The following CPEB3 variants were observed in gnomAD, a reference collection of about 807,000 sequenced individuals.
CPEB3 encodes cytoplasmic polyadenylation element-binding protein 3.
A neutral mutation model predicts 67.2 loss-of-function variants in CPEB3; 20 were observed. That is an observed-to-expected ratio of 0.30 (90% CI 0.21 to 0.43). CPEB3 has a LOEUF of 0.43. Among genes scored for constraint, CPEB3 ranks in the 20% least tolerant of loss-of-function variants. CPEB3 has a pLI of 1.00. For missense variants in CPEB3, 746 were observed against 968.6 expected, an observed-to-expected ratio of 0.77 and a Z score of 3.05; for synonymous variants, 376 against 393.1, an observed-to-expected ratio of 0.96 and a Z score of 0.51.
chr10:92,162,082 C>T (rs1467598222), intron 4 of CPEB3, among the ~76,000 whole-genome samples: 4 of 152,160 alleles, frequency 2.6e-5, no homozygotes, highest in Admixed American at 2.0e-4. Context: ...GGTCTATCTA[C>T]TCCCTCTAAG....
chr10:92,201,209 G>A (rs770876132), intron 2 of CPEB3, among the ~76,000 whole-genome samples: 4 of 152,036 alleles, frequency 2.6e-5, no homozygotes, highest in Non-Finnish European at 5.9e-5. Flanking sequence ...TGACTATGAC[G>A]GTCAGAAGAG....
chr10:92,202,293 G>A (rs1400497573), intron 2 of CPEB3, among the ~76,000 whole-genome samples: 1 of 151,728 alleles, frequency 6.6e-6, no homozygotes, highest in Non-Finnish European at 1.5e-5. Context: ...AAAAACATAT[G>A]TCCACACAAA....
At chr10:92,261,731 G>A (rs925199651) in intron 1 of CPEB3, among the ~76,000 whole-genome samples, 11 of 152,186 alleles carry the variant, frequency 7.2e-5, no homozygotes, top group Admixed American at 3.3e-4. Flanking sequence ...TTACAGGCAT[G>A]AGCCACCACA....
At chr10:92,289,732 A>AAAAAAAAAAAAATATATATATAT in intron 1 of CPEB3, among the ~76,000 whole-genome samples, 1 of 75,770 alleles carries the variant, frequency 1.3e-5, no homozygotes, top group Non-Finnish European at 2.6e-5. Flanking sequence ...AAAAAAAAAA[A>AAAAAAAAAAAAATATATATATAT]ATATATATAT....
chr10:92,106,860 A>G (rs571516687), intron 7 of CPEB3, among the ~76,000 whole-genome samples: 1 of 151,648 alleles, frequency 6.6e-6, no homozygotes, highest in South Asian at 2.1e-4. Flanking sequence ...AAAAAAGAAA[A>G]AAAGAAAAAG....
At chr10:92,132,691 C>T (rs1438026944) in intron 6 of CPEB3, among the ~76,000 whole-genome samples, 1 of 152,158 alleles carries the variant, frequency 6.6e-6, no homozygotes, top group Non-Finnish European at 1.5e-5. Flanking sequence ...CAGAACTCTC[C>T]ACCCCAAATC....
At chr10:92,205,630 T>C (rs1468419163) in intron 2 of CPEB3, among the ~76,000 whole-genome samples, 2 of 151,594 alleles carry the variant, frequency 1.3e-5, no homozygotes, top group Admixed American at 6.6e-5. Flanking sequence ...GTGTGCGCCA[T>C]GATGCCCAGC....
chr10:92,240,965 C>A (rs1365413780), intron 1 of CPEB3, among the ~76,000 whole-genome samples: 1 of 152,116 alleles, frequency 6.6e-6, no homozygotes, highest in Non-Finnish European at 1.5e-5. Flanking sequence ...AGGGAGGAAT[C>A]CTTGGCATTT....
intron 4 of CPEB3, among the ~76,000 whole-genome samples, chr10:92,168,758 A>G (rs1407803081): frequency 6.8e-6 from 1 of 147,926 alleles, no homozygotes; most frequent in Non-Finnish European, 1.5e-5. Context: ...CTCCTCAGCC[A>G]TGCAGAGCTG....
chr10:92,245,239 G>C (rs1391761703), intron 1 of CPEB3, among the ~76,000 whole-genome samples: 1 of 144,778 alleles, frequency 6.9e-6, no homozygotes, highest in Non-Finnish European at 1.5e-5. Flanking sequence ...CCAGGTTCAA[G>C]TGATTCTCCT....
chr10:92,077,459 TAAAG>T (rs754251853), intron 9 of CPEB3, among the ~76,000 whole-genome samples: 95 of 152,176 alleles, frequency 6.2e-4, no homozygotes, highest in Middle Eastern at 3.4e-3. Context: ...TCTCTCATAA[TAAAG>T]AAAGGATGTT....
chr10:92,233,642 G>A (rs555038571), intron 2 of CPEB3, among the ~76,000 whole-genome samples: 4 of 150,986 alleles, frequency 2.6e-5, no homozygotes, highest in Non-Finnish European at 5.9e-5. Context: ...AATTTATTAT[G>A]AGTAGGCATA....
chr10:92,153,570 C>G (rs1847064265), intron 4 of CPEB3, among the ~76,000 whole-genome samples: 2 of 152,096 alleles, frequency 1.3e-5, no homozygotes, highest in Non-Finnish European at 2.9e-5. Flanking sequence ...CCCCTGGGGT[C>G]AGGAGTTCGA....
chr10:92,222,575 T>G (rs948776754), intron 2 of CPEB3, among the ~76,000 whole-genome samples: 2 of 152,164 alleles, frequency 1.3e-5, no homozygotes, highest in African/African-American at 4.8e-5. Flanking sequence ...ATGTCTATGT[T>G]TTAAAATCTT....
intron 7 of CPEB3, among the ~76,000 whole-genome samples, chr10:92,104,609 G>A (rs7900237): frequency 0.15 from 23,154 of 151,710 alleles, 1,889 homozygotes; most frequent in Middle Eastern, 0.22. Flanking sequence ...GGACGGTCTC[G>A]ATCTCCTGAC....
At chr10:92,115,653 T>C (rs1458040152) in intron 6 of CPEB3, among the ~76,000 whole-genome samples, 2 of 152,212 alleles carry the variant, frequency 1.3e-5, no homozygotes, top group African/African-American at 2.4e-5. Context: ...TAGACTATCC[T>C]GCGTTAAATT....
chr10:92,186,594 C>T (rs1848704089), intron 3 of CPEB3, among the ~76,000 whole-genome samples: 1 of 152,018 alleles, frequency 6.6e-6, no homozygotes, highest in Admixed American at 6.6e-5. Context: ...GCCACCACAC[C>T]TGGCTAATTT....
Position 92,050,543 on chromosome 10 carries a change from G to C in CPEB3, c.*1669C>G, listed in dbSNP as rs1841864548. ...GTGTGTTTATATATTACTATCTGCAGCCCAAGGGTGAATGCTAGAAAAATG... is the reference window on the plus strand; with the variant it reads ...GTGTGTTTATATATTACTATCTGCACCCCAAGGGTGAATGCTAGAAAAATG... On this transcript the variant is annotated 3_prime_UTR_variant, in exon 10 of 10. Coordinates refer to ENST00000265997, the MANE Select transcript of CPEB3 (RefSeq NM_014912.5). The C allele has an allele frequency of 1.3e-5, 2 of 152,566 alleles. No homozygotes were observed. Among genetic ancestry groups the C allele is most frequent in the South Asian group, 4.1e-4 (2 of 4,834 alleles). 9.5% of individuals were successfully genotyped at this position (152,566 alleles called of 1,614,324 possible).
chr10:92,289,104 A>G (rs1842670995), intron 1 of CPEB3, among the ~76,000 whole-genome samples: 1 of 152,020 alleles, frequency 6.6e-6, no homozygotes, highest in South Asian at 2.1e-4. Flanking sequence ...TTAGCCAGGC[A>G]TGGTGGTGCG....
Sources: allele counts gnomAD v4.1 joint callset (sites outside exome capture counted in the v4.1 genomes callset), GRCh38; gene constraint gnomAD v4.1.1; transcripts MANE v1.5; gene names NCBI Gene and HGNC (gene_info 2026-07-23, HGNC 2026-07-21).